Variants in LRP1B observed in about 807,000 individuals in gnomAD.
LRP1B encodes low-density lipoprotein receptor-related protein 1B.
LRP1B carries 217 observed loss-of-function variants against 556.6 expected under a neutral mutation model. The ratio of observed to expected loss-of-function variants is 0.39; its 90% CI spans 0.35 to 0.44. The LOEUF (loss-of-function observed/expected upper bound fraction) is 0.44, where lower values mean the gene tolerates loss of function less well. Among genes scored for constraint, LRP1B ranks in the 20% least tolerant of loss-of-function variants. The pLI is 1.00. For missense variants in LRP1B, 5,053 were observed against 5,620.8 expected (o/e 0.90, Z 3.23); for synonymous variants, 2,047 against 1,865.8 (o/e 1.10, Z -2.50).
chr2:141,726,655 C>T (rs1024180890), intron 2 of LRP1B, among the ~76,000 whole-genome samples: 2 of 151,876 alleles, frequency 1.3e-5, no homozygotes, highest in African/African-American at 2.4e-5. Flanking sequence ...CCAGAGAGTA[C>T]TGGAATCAAA....
At chr2:140,456,219 C>T (rs1687101512) in intron 62 of LRP1B, among the ~76,000 whole-genome samples, 1 of 152,140 alleles carries the variant, frequency 6.6e-6, no homozygotes, top group Admixed American at 6.6e-5. Context: ...TTATGTGGAT[C>T]TGTGAAATAA....
At chr2:140,774,830 A>G (rs148905698) in intron 33 of LRP1B, among the ~76,000 whole-genome samples, 1 of 152,316 alleles carries the variant, frequency 6.6e-6, no homozygotes, top group East Asian at 1.9e-4. Flanking sequence ...AGTGAAAAAT[A>G]TCCTTGTTTA....
chr2:141,904,898 A>C (rs949201467), intron 1 of LRP1B, among the ~76,000 whole-genome samples: 3 of 151,978 alleles, frequency 2.0e-5, no homozygotes, highest in Admixed American at 6.6e-5. Flanking sequence ...ACAGGGACAG[A>C]GACCTGACCA....
intron 2 of LRP1B, among the ~76,000 whole-genome samples, chr2:141,659,574 C>T (rs1227019312): frequency 6.6e-6 from 1 of 151,994 alleles, no homozygotes. Flanking sequence ...GCAAGAAATA[C>T]AGAGTCAAAG....
chr2:141,689,942 TG>T (rs1418343549), intron 2 of LRP1B, among the ~76,000 whole-genome samples: 1 of 151,750 alleles, frequency 6.6e-6, no homozygotes, highest in African/African-American at 2.4e-5. Context: ...ACATAAAATA[TG>T]GAGATATTAA....
chr2:141,861,922 T>C (rs1038250811), intron 1 of LRP1B, among the ~76,000 whole-genome samples: 4 of 148,682 alleles, frequency 2.7e-5, no homozygotes, highest in Admixed American at 1.3e-4. Context: ...AGAGTGAGAC[T>C]CCATCTCAAA....
chr2:141,587,293 C>T (rs1030023719), intron 2 of LRP1B, among the ~76,000 whole-genome samples: 1 of 152,056 alleles, frequency 6.6e-6, no homozygotes. Flanking sequence ...CCACATAGGA[C>T]AATTAACAAT....
chr2:141,392,460 TAAAAAAAAAAAA>T (rs10636398), intron 3 of LRP1B, among the ~76,000 whole-genome samples: 11 of 96,070 alleles, frequency 1.1e-4, no homozygotes, highest in African/African-American at 4.5e-4. Flanking sequence ...TGTCCTCTCT[TAAAAAAAAAAAA>T]AAAAAAAAAG....
chr2:141,546,998 T>G (rs888094400), intron 2 of LRP1B, among the ~76,000 whole-genome samples: 1 of 152,206 alleles, frequency 6.6e-6, no homozygotes, highest in African/African-American at 2.4e-5. Flanking sequence ...CAGCATCCCT[T>G]TTCCTAATGG....
At chr2:140,476,643 T>A (rs1366850206) in intron 59 of LRP1B, among the ~76,000 whole-genome samples, 2 of 152,024 alleles carry the variant, frequency 1.3e-5, no homozygotes, top group Non-Finnish European at 2.9e-5. Context: ...TTGATTTGCA[T>A]AAAGGTATGG....
intron 83 of LRP1B, among the ~76,000 whole-genome samples, 181 bp from the exon 84 acceptor site, chr2:140,298,150 G>A (rs1284997103): frequency 6.6e-6 from 1 of 152,068 alleles, no homozygotes; most frequent in Non-Finnish European, 1.5e-5. Context: ...TATGTTCAAG[G>A]AAATCTAGGT....
intron 2 of LRP1B, among the ~76,000 whole-genome samples, chr2:141,774,378 C>T (rs62168696): frequency 3.9e-4 from 60 of 151,906 alleles, no homozygotes; most frequent in African/African-American, 1.4e-3. Context: ...TATTACATGG[C>T]GAGAGAGAGG....
chr2:141,401,626 GTCA>G (rs1463991395), intron 3 of LRP1B, among the ~76,000 whole-genome samples: 1 of 152,072 alleles, frequency 6.6e-6, no homozygotes, highest in African/African-American at 2.4e-5. Flanking sequence ...ATTTCACACT[GTCA>G]TCATTATTTT....
At chr2:141,068,451 C>T (rs1268620063) in intron 7 of LRP1B, among the ~76,000 whole-genome samples, 1 of 150,218 alleles carries the variant, frequency 6.7e-6, no homozygotes, top group Non-Finnish European at 1.5e-5. Flanking sequence ...GTGATGTTTG[C>T]ATAGTGCAAG....
At chr2:141,172,941 T>G (rs958161663) in intron 7 of LRP1B, among the ~76,000 whole-genome samples, 1 of 152,042 alleles carries the variant, frequency 6.6e-6, no homozygotes, top group Non-Finnish European at 1.5e-5. Context: ...TTCCCTTATT[T>G]CCAATTATCC....
Position 141,480,405 on chromosome 2 carries a change from G to A in LRP1B, c.334C>T (p.His112Tyr), listed in dbSNP as rs140468265. ...CCACAAATGGACTCACCCTGACAAT[G>A]TACTCCTTCGTCATACCCATCTGGG... is the stretch of plus-strand genomic sequence containing the variant. The part of the protein sequence containing the change: ...DCPDGYDEGV[H>Y]CQELLSNCQQ... The change falls in exon 3 of 91, where the codon CAT (histidine) becomes TAT (tyrosine). Residue 112 changes from histidine (H) to tyrosine (Y), a missense_variant. Coordinates refer to ENST00000389484, the MANE Select transcript of LRP1B (RefSeq NM_018557.3). 1.0e-4 allele frequency: 167 copies of A among 1,613,834 alleles called. No individual in the cohort carries two copies. Among genetic ancestry groups the A allele is most frequent in the Non-Finnish European group, 1.2e-4 (145 of 1,179,878 alleles).
chr2:142,022,315 GAATA>G (rs1163725042), intron 1 of LRP1B, among the ~76,000 whole-genome samples: 1 of 151,586 alleles, frequency 6.6e-6, no homozygotes, highest in Non-Finnish European at 1.5e-5. Context: ...GTTTAATTAA[GAATA>G]GATAGTATAA....
chr2:141,497,265 G>T (rs1007792615), intron 2 of LRP1B, among the ~76,000 whole-genome samples: 4 of 151,858 alleles, frequency 2.6e-5, no homozygotes, highest in African/African-American at 7.2e-5. Flanking sequence ...TGGGAAACTG[G>T]CATGAAGGAC....
intron 3 of LRP1B, among the ~76,000 whole-genome samples, chr2:141,269,721 T>A (rs1685017589): frequency 6.6e-6 from 1 of 152,136 alleles, no homozygotes; most frequent in Non-Finnish European, 1.5e-5. Flanking sequence ...ATAAAATTCT[T>A]TTTTCAACTA....
Sources: allele counts gnomAD v4.1 joint callset (sites outside exome capture counted in the v4.1 genomes callset), GRCh38; gene constraint gnomAD v4.1.1; transcripts MANE v1.5; gene names NCBI Gene and HGNC (gene_info 2026-07-23, HGNC 2026-07-21).